HSPD1: variants seen among roughly 807,000 people sequenced by gnomAD.
HSPD1 encodes 60 kDa heat shock protein, mitochondrial.
HSPD1 carries 3 observed loss-of-function variants against 53.0 expected under a neutral mutation model. The ratio of observed to expected loss-of-function variants is 0.06; its 90% CI spans 0.03 to 0.15. The LOEUF (loss-of-function observed/expected upper bound fraction) is 0.15. HSPD1 is among the 10% of genes least tolerant of loss of function. The probability of loss-of-function intolerance (pLI) is 1.00; values close to 1 mark genes in which losing one functional copy is unlikely to be tolerated. For missense variants in HSPD1, 431 were observed against 694.1 expected (o/e 0.62, Z 4.26); for synonymous variants, 200 against 228.0 (o/e 0.88, Z 1.10).
chr2:197,496,867 T>C, intron 3 of HSPD1: 1 of 448,906 alleles, frequency 2.2e-6, no homozygotes, highest in Non-Finnish European at 4.1e-6. Context: ...GCCCAGGAGT[T>C]CCAGTGCAGT....
rs371969794 is a variant in HSPD1 at position 197,487,087 on chromosome 2, T to A, written c.1681A>T (p.Met561Leu). 2.0e-6 allele frequency: 3 copies of A among 1,537,198 alleles called. No individual in the cohort carries two copies. In the African/African-American group the frequency reaches 4.1e-5, roughly 21 times the overall value. Residue 561 changes from methionine (M) to leucine (L), a missense_variant, in exon 12 of 12, where the codon ATG (methionine) becomes TTG (leucine). By Grantham distance (15) the Met-to-Leu change is conservative (BLOSUM62 2). Coordinates refer to ENST00000388968, the MANE Select transcript of HSPD1 (RefSeq NM_002156.5). ...KEEKDPGMGA[M>L]GGMGGGMGGG... Reference sequence around the variant, plus strand: ...CCCATACCACCTCCCATTCCACCCATTGCACCCATTCCAGGGTCCTTCTCT... The same window carrying A: ...CCCATACCACCTCCCATTCCACCCAATGCACCCATTCCAGGGTCCTTCTCT...
chr2:197,491,641 A>G (rs1381945297), intron 7 of HSPD1, among the ~76,000 whole-genome samples: 2 of 152,218 alleles, frequency 1.3e-5, no homozygotes, highest in Non-Finnish European at 2.9e-5. Flanking sequence ...ACATACTTCA[A>G]TTCTGAGATA....
In HSPD1 at chr2:197,489,239, T is replaced by C; in HGVS notation, c.978A>G (p.Gly326=). The C allele has an allele frequency of 6.2e-7, 1 of 1,614,168 alleles. No homozygotes were observed. The highest frequency in any genetic ancestry group is 8.5e-7 in the Non-Finnish European group (1 of 1,180,016). The change falls in exon 9 of 12, where the codon GGA becomes GGG. Residue 326 remains glycine, a synonymous_variant. Transcript: ENST00000388968. ...MAIATGGAVF[G]EEGLTLNLED... is the part of the protein sequence containing the mutation. ...CAAGATTCAGGGTCAATCCCTCTTCTCCAAACACCTACAAAAAGAGTTAAA... is the reference window on the plus strand; with the variant it reads ...CAAGATTCAGGGTCAATCCCTCTTCCCCAAACACCTACAAAAAGAGTTAAA...
rs11682567 is a variant in HSPD1, at chr2:197,490,429, T to G, written c.870-133A>C. ...TTGGTTTTTGTGTTTTTTTGTTTTT[T>G]TTTTGCTTCCTAGCAATTTTTGATC... is the stretch of plus-strand genomic sequence containing the variant. On this transcript the variant is annotated intron_variant, in intron 7 of 11. Transcript: ENST00000388968. 0.18 allele frequency: 125,102 copies of G among 693,742 alleles called. 11,942 individuals are homozygous for G. Among genetic ancestry groups the G allele is most frequent in the Middle Eastern group, 0.24 (944 of 3,952 alleles). 43.0% of individuals were successfully genotyped at this position (693,742 alleles called of 1,614,324 possible). A position where few individuals can be genotyped will look rare whatever the true frequency, so the allele number is the denominator to read the frequency against.
Position 197,488,790 on chromosome 2 carries a change from C to T in HSPD1, c.1215+212G>A, listed in dbSNP as rs192029989. On this transcript the variant is annotated intron_variant, in intron 9 of 11. Coordinates refer to ENST00000388968, the MANE Select transcript of HSPD1 (RefSeq NM_002156.5). ...GGCCAAGGCAGGAGATTCGCTTGAA[C>T]CCAAGAGGCGGAGGTTGCAGTGCGC... Among the ~76,000 whole-genome samples the T allele has an allele frequency of 3.8e-4, 58 of 152,314 alleles. 1 individual carries two copies. In the East Asian group the frequency reaches 0.01, roughly 27 times the overall value.
At chr2:197,487,268 C>T in intron 11 of HSPD1, 70 bp from the exon 12 acceptor site, 1 of 1,417,822 alleles carries the variant, frequency 7.1e-7, no homozygotes. Flanking sequence ...AAATTTCTGT[C>T]TGGGCATGGT....
At chr2:197,499,529 T>C (rs1280914472) in intron 1 of HSPD1, 1 of 153,306 alleles carries the variant, frequency 6.5e-6, no homozygotes, top group East Asian at 1.9e-4. Context: ...CGGGCCTAAG[T>C]GGTTACAATC....
intron 3 of HSPD1, 126 bp downstream of exon 3, chr2:197,497,014 C>T: frequency 2.1e-6 from 2 of 975,040 alleles, no homozygotes; most frequent in Non-Finnish European, 1.6e-6. Flanking sequence ...AAGATTTCTC[C>T]AGGCCAAGAG....
intron 7 of HSPD1, 71 bp downstream of exon 7, chr2:197,493,253 T>C (rs2086116442): frequency 7.5e-7 from 1 of 1,328,326 alleles, no homozygotes; most frequent in Non-Finnish European, 1.1e-6. Context: ...TGATGGAAAC[T>C]GCAAACAGCA....
intron 4 of HSPD1, 78 bp downstream of exon 4, chr2:197,495,216 G>T: frequency 2.6e-6 from 2 of 776,956 alleles, no homozygotes; most frequent in South Asian, 1.4e-5. Flanking sequence ...TTCTGACATT[G>T]GTGTGATCAA....
rs541450452 is a variant in HSPD1, at chr2:197,493,637, G to A, written c.701-145C>T. On this transcript the variant is annotated intron_variant, in intron 6 of 11. Coordinates refer to ENST00000388968, the MANE Select transcript of HSPD1 (RefSeq NM_002156.5). ...TCATTTCTCATATGCATTAACTTTT[G>A]GAATATATACATTTATTTTTTAGAG... The A allele has an allele frequency of 1.6e-5, 11 of 669,968 alleles. No homozygotes were observed. The African/African-American group carries it at 2.0e-4, about 12-fold the overall frequency. 41.5% of individuals were successfully genotyped at this position (669,968 alleles called of 1,614,324 possible). A position where few individuals can be genotyped will look rare whatever the true frequency, so the allele number is the denominator to read the frequency against.
intron 7 of HSPD1, among the ~76,000 whole-genome samples, chr2:197,491,650 TAAGG>T (rs1315965503): frequency 2.0e-5 from 3 of 152,178 alleles, no homozygotes; most frequent in Non-Finnish European, 4.4e-5. Context: ...AATTCTGAGA[TAAGG>T]AAGAACAAAC....
At position 197,498,667 on chromosome 2, in the gene HSPD1, A is replaced by G; in HGVS notation, c.174+8T>C. On this transcript the variant is annotated splice_region_variant and intron_variant, in intron 2 of 11. Transcript: ENST00000388968. ...ACCGTAATTACAATAAAATAAAAAT[A>G]CTGGTACCTTTGGCCCCATTGTAAC... 1 of 1,589,090 alleles carries G rather than the reference A, an allele frequency of 6.3e-7. No individual in the cohort carries two copies. The highest frequency in any genetic ancestry group is 1.1e-5 in the South Asian group (1 of 90,572).
In HSPD1 at chr2:197,495,396, C is replaced by T. The variant is rs2086145437; in HGVS notation, c.428-20G>A. 1.4e-6 allele frequency: 2 copies of T among 1,444,096 alleles called. No homozygotes were observed. The highest frequency in any genetic ancestry group is 2.0e-6 in the Non-Finnish European group (2 of 1,025,142). The allele number at this position is 1,444,096 out of a possible 1,614,324, so 89.5% of individuals were successfully genotyped here. On this transcript the variant is annotated intron_variant, in intron 3 of 11. Coordinates refer to ENST00000388968, the MANE Select transcript of HSPD1 (RefSeq NM_002156.5). The stretch of plus-strand genomic sequence containing the variant: ...TCACACCTAGTTCAACGATATATGT[C>T]ATTACAATGTTTATTTCTCTCATGG...
chr2:197,489,412 T>C (rs549419365), intron 8 of HSPD1, among the ~76,000 whole-genome samples, 165 bp from the exon 9 acceptor site: 5 of 152,346 alleles, frequency 3.3e-5, no homozygotes, highest in Admixed American at 6.5e-5. Flanking sequence ...TATAGTCTCT[T>C]TCACTGCATT....
In HSPD1 at chr2:197,490,228, A is replaced by C; in HGVS notation, c.938T>G (p.Leu313Arg). ...PGFGDNRKNQ[L>R]KDMAIATGGA... ...ACCAGTAGCAATAGCCATATCTTTA[A>C]GCTGGTTCTTTCTATTGTCACCAAA... The change falls in exon 8 of 12, where the codon CTT (leucine) becomes CGT (arginine). Residue 313 changes from leucine to arginine, a missense_variant. This residue lies in a region of HSPD1 where 386 missense variants were observed against 657.6 expected (regional missense o/e 0.59). Transcript: ENST00000388968. 1 of 1,613,824 alleles carries C rather than the reference A, an allele frequency of 6.2e-7. No individual in the cohort carries two copies. Among genetic ancestry groups the C allele is most frequent in the African/African-American group, 1.3e-5 (1 of 75,042 alleles).
chr2:197,490,383 G>C (rs774590305), intron 7 of HSPD1, 87 bp from the exon 8 acceptor site: 11 of 1,024,518 alleles, frequency 1.1e-5, no homozygotes, highest in Non-Finnish European at 1.7e-5. Context: ...AGATTACTTA[G>C]GACTCCCTAA....
At chr2:197,490,421 T>G (rs964353624) in intron 7 of HSPD1, 125 bp from the exon 8 acceptor site, 1 of 724,690 alleles carries the variant, frequency 1.4e-6, no homozygotes, top group African/African-American at 1.8e-5. Context: ...TTGTGTTTTT[T>G]TGTTTTTTTT....
intron 7 of HSPD1, among the ~76,000 whole-genome samples, chr2:197,492,239 G>C (rs2086102551): frequency 6.6e-6 from 1 of 152,136 alleles, no homozygotes; most frequent in Non-Finnish European, 1.5e-5. Flanking sequence ...TGCCCAGGCT[G>C]GGGTGCAGCA....
Sources: gnomAD v4.1 joint callset for allele counts (sites outside exome capture counted in the v4.1 genomes callset) on GRCh38, gnomAD v4.1.1 for gene constraint, gnomAD v4.1.1 regional missense constraint, MANE v1.5 for transcripts, NCBI Gene and HGNC (gene_info 2026-07-23, HGNC 2026-07-21) for gene names.